The following ARID1B variants were observed in gnomAD, a reference collection of about 807,000 sequenced individuals.
The protein encoded by ARID1B is AT-rich interactive domain-containing protein 1B.
ARID1B carries 30 observed loss-of-function variants against 212.3 expected under a neutral mutation model. The observed-to-expected ratio is 0.14, with a 90% confidence interval of 0.11 to 0.19. The LOEUF (loss-of-function observed/expected upper bound fraction) is 0.19, where lower values mean the gene tolerates loss of function less well. Ranked by LOEUF, ARID1B falls within the 10% of genes least tolerant of loss-of-function variation. The pLI is 1.00. For missense variants in ARID1B, 2,891 were observed against 3,204.0 expected, an observed-to-expected ratio of 0.90 and a Z score of 2.36; for synonymous variants, 1,402 against 1,301.7, an observed-to-expected ratio of 1.08 and a Z score of -1.66.
Position 156,902,735 on chromosome 6 carries a change from CAAAAAAA to C in ARID1B, c.2136+1231_2136+1237del, listed in dbSNP as rs869259426. Among the ~76,000 whole-genome samples the C allele has an allele frequency of 3.6e-3, 219 of 61,660 alleles. 2 individuals are homozygous for C. In the East Asian group the frequency reaches 0.18, roughly 51 times the overall value. 40.5% of individuals were successfully genotyped at this position (61,660 alleles called of 152,430 possible). A position where few individuals can be genotyped will look rare whatever the true frequency, so the allele number is the denominator to read the frequency against. ...CTTGCAACAGAGTGAGACTCTGTCT[CAAAAAAA>C]AAAAAAAAAAAAAAAAAAAAGTAAC... On this transcript the variant is annotated intron_variant, in intron 3 of 19. Transcript: ENST00000636930.
At chr6:156,942,168 T>C (rs75893010) in intron 4 of ARID1B, 2 of 152,088 alleles carry the variant, frequency 1.3e-5, no homozygotes, top group African/African-American at 2.4e-5. Context: ...TATAAAAAAA[T>C]AGACACTAGA....
chr6:156,966,386 C>CTTTT (rs1214987532), intron 4 of ARID1B, among the ~76,000 whole-genome samples: 81 of 38,866 alleles, frequency 2.1e-3, no homozygotes, highest in South Asian at 3.3e-3. Flanking sequence ...CTTTTCTTTT[C>CTTTT]TTTTTTTTTT....
chr6:156,926,912 C>T (rs549735483), intron 3 of ARID1B, among the ~76,000 whole-genome samples: 2 of 152,242 alleles, frequency 1.3e-5, no homozygotes, highest in African/African-American at 2.4e-5. Flanking sequence ...GAACTCCTGA[C>T]GCCGTGATCC....
intron 11 of ARID1B, among the ~76,000 whole-genome samples, chr6:157,176,190 GT>G (rs2128307897): frequency 6.6e-6 from 1 of 152,312 alleles, no homozygotes; most frequent in Non-Finnish European, 1.5e-5. Flanking sequence ...TACCTTCTCT[GT>G]AGCTACGTTT....
At chr6:156,795,556 C>T (rs1420536339) in intron 1 of ARID1B, among the ~76,000 whole-genome samples, 3 of 152,092 alleles carry the variant, frequency 2.0e-5, no homozygotes, top group African/African-American at 7.2e-5. Flanking sequence ...CAGAAAACTC[C>T]TCCAGTTCTT....
intron 2 of ARID1B, among the ~76,000 whole-genome samples, chr6:156,881,459 A>G (rs980771143): frequency 1.3e-5 from 2 of 152,222 alleles, no homozygotes; most frequent in Admixed American, 6.5e-5. Flanking sequence ...ATGTATGCAC[A>G]CATCTATGTA....
chr6:157,019,455 T>C (rs1780097342), intron 4 of ARID1B, among the ~76,000 whole-genome samples: 1 of 152,240 alleles, frequency 6.6e-6, no homozygotes, highest in Admixed American at 6.5e-5. Flanking sequence ...GAAACTTGTC[T>C]AACTTCTCCA....
chr6:156,908,883 T>C (rs1158140336), intron 3 of ARID1B, among the ~76,000 whole-genome samples: 2 of 152,136 alleles, frequency 1.3e-5, no homozygotes, highest in African/African-American at 4.8e-5. Context: ...TTTGATTTTG[T>C]GAAAGTTTTA....
intron 4 of ARID1B, among the ~76,000 whole-genome samples, chr6:156,982,965 C>T (rs1206332859): frequency 2.6e-5 from 4 of 151,946 alleles, no homozygotes; most frequent in East Asian, 1.9e-4. Context: ...GGTAGTGGTG[C>T]GTGCCTGTAA....
At chr6:156,889,791 T>C (rs936248872) in intron 2 of ARID1B, among the ~76,000 whole-genome samples, 1 of 152,104 alleles carries the variant, frequency 6.6e-6, no homozygotes, top group Non-Finnish European at 1.5e-5. Flanking sequence ...GCATGGACAG[T>C]AGTTGGCAAG....
At chr6:157,029,524 A>G (rs932716538) in intron 4 of ARID1B, among the ~76,000 whole-genome samples, 3 of 152,252 alleles carry the variant, frequency 2.0e-5, no homozygotes, top group Admixed American at 6.5e-5. Flanking sequence ...TTGACATTTC[A>G]GTAAAGGGAG....
intron 4 of ARID1B, among the ~76,000 whole-genome samples, chr6:156,971,678 G>A (rs1217437648): frequency 6.6e-6 from 1 of 152,072 alleles, no homozygotes; most frequent in African/African-American, 2.4e-5. Flanking sequence ...GGGCTTGTGG[G>A]GGTTCCTCTT....
chr6:156,951,324 T>G (rs1388758808), intron 4 of ARID1B, among the ~76,000 whole-genome samples: 1 of 152,152 alleles, frequency 6.6e-6, no homozygotes, highest in Admixed American at 6.6e-5. Context: ...AAACAAACCA[T>G]GATAATGCAG....
At chr6:156,920,528 T>A (rs1283632868) in intron 3 of ARID1B, among the ~76,000 whole-genome samples, 1 of 152,218 alleles carries the variant, frequency 6.6e-6, no homozygotes, top group East Asian at 1.9e-4. Context: ...TTTTTAAAAT[T>A]TTTAATTAGA....
At chr6:157,143,559 G>A (rs1789523165) in intron 7 of ARID1B, among the ~76,000 whole-genome samples, 1 of 152,038 alleles carries the variant, frequency 6.6e-6, no homozygotes, top group African/African-American at 2.4e-5. Flanking sequence ...AGGCAGTGCG[G>A]TGCCTGGCGC....
rs146035049 is a variant in ARID1B, at chr6:157,200,417, C to A, written c.4480-288C>A. ...GCCGTCTGCCTGTGTGGGAGTTGAA[C>A]GCTGGCTGTCCCGGTGGCACAGCCT... On this transcript the variant is annotated intron_variant, in intron 17 of 19. Coordinates refer to ENST00000636930, the MANE Select transcript of ARID1B (RefSeq NM_001374828.1). The surrounding 1 kb of genome is among the most constrained non-coding windows in gnomAD (Gnocchi z 4.3). Among the ~76,000 whole-genome samples, 1 of 151,924 alleles carries A rather than the reference C, an allele frequency of 6.6e-6. No homozygotes were observed. The highest frequency in any genetic ancestry group is 6.5e-5 in the Admixed American group (1 of 15,270).
intron 4 of ARID1B, among the ~76,000 whole-genome samples, chr6:156,944,472 C>T (rs368426182): frequency 1.2e-4 from 18 of 152,018 alleles, no homozygotes; most frequent in African/African-American, 2.4e-4. Flanking sequence ...GCCGTGATGT[C>T]GTTGCATATA....
chr6:156,922,569 TTTTA>T (rs1309678922), intron 3 of ARID1B, among the ~76,000 whole-genome samples: 1 of 152,182 alleles, frequency 6.6e-6, no homozygotes, highest in African/African-American at 2.4e-5. Flanking sequence ...CTTAAGTAAT[TTTTA>T]TTTGTGTTTC....
rs74820104 is a variant in ARID1B, at chr6:157,103,349, G to A, written c.2492-7123G>A. The stretch of plus-strand genomic sequence containing the variant: ...AACAGTCTGAATTTTCTGTCTGTAT[G>A]GAATGTACATTGTAGTCAGTTGAGA... On this transcript the variant is annotated intron_variant, in intron 5 of 19. Transcript: ENST00000636930. 5.5e-3 allele frequency among the ~76,000 whole-genome samples: 835 copies of A among 152,108 alleles called. 1 individual carries two copies. The highest frequency in any genetic ancestry group is 0.024 in the Middle Eastern group (7 of 294).
Sources: gnomAD v4.1 joint callset for allele counts (sites outside exome capture counted in the v4.1 genomes callset) on GRCh38, gnomAD v4.1.1 for gene constraint, Gnocchi (gnomAD v3.1) non-coding constraint, MANE v1.5 for transcripts, NCBI Gene and HGNC (gene_info 2026-07-23, HGNC 2026-07-21) for gene names.